BRINP2: variants seen among roughly 807,000 people sequenced by gnomAD.
BRINP2 encodes BMP/retinoic acid inducible neural specific 2.
BRINP2 carries 21 observed loss-of-function variants against 69.2 expected under a neutral mutation model. The observed-to-expected ratio is 0.30, with a 90% confidence interval of 0.22 to 0.44. BRINP2 has a LOEUF of 0.44. Ranked by LOEUF, BRINP2 falls within the 20% of genes least tolerant of loss-of-function variation. BRINP2 has a pLI of 1.00. For synonymous variants in BRINP2, 380 were observed against 394.1 expected (o/e 0.96, Z 0.42); for missense variants, 877 against 986.0 (o/e 0.89, Z 1.48).
intron 1 of BRINP2, among the ~76,000 whole-genome samples, chr1:177,225,590 A>C (rs1473805545): frequency 6.6e-6 from 1 of 152,216 alleles, no homozygotes; most frequent in East Asian, 1.9e-4. Context: ...GTGAGGATTT[A>C]GACAGTTAAA....
In BRINP2 at chr1:177,267,704, G is replaced by T. The variant is rs559137454; in HGVS notation, c.670-5784G>T. ...TAATACAAAGAGTTGGGCTTGCATAGTCATAACTATGGCTTTCTGGACCTG... is the reference window on the plus strand; with the variant it reads ...TAATACAAAGAGTTGGGCTTGCATATTCATAACTATGGCTTTCTGGACCTG... On this transcript the variant is annotated intron_variant, in intron 4 of 7. Transcript: ENST00000361539. Among the ~76,000 whole-genome samples, 6 of 152,294 alleles carry T rather than the reference G, an allele frequency of 3.9e-5. No individual in the cohort carries two copies. The South Asian group carries it at 1.2e-3, about 32-fold the overall frequency.
intron 1 of BRINP2, among the ~76,000 whole-genome samples, chr1:177,197,533 G>T (rs1245317611): frequency 1.3e-5 from 2 of 152,206 alleles, no homozygotes; most frequent in Non-Finnish European, 2.9e-5. Context: ...TGAGGACATA[G>T]TGAGATGGTG....
chr1:177,274,758 G>T (rs2102361579), intron 5 of BRINP2, among the ~76,000 whole-genome samples: 1 of 152,302 alleles, frequency 6.6e-6, no homozygotes, highest in African/African-American at 2.4e-5. Flanking sequence ...CTTGGAGAGG[G>T]TGAGTGTTGA....
intron 2 of BRINP2, among the ~76,000 whole-genome samples, chr1:177,246,230 G>C (rs1401610953): frequency 6.6e-6 from 1 of 152,156 alleles, no homozygotes. Flanking sequence ...CAAGGCAAAA[G>C]AATTACCTGG....
intron 1 of BRINP2, among the ~76,000 whole-genome samples, chr1:177,191,952 G>A (rs1313475928): frequency 6.6e-6 from 1 of 152,118 alleles, no homozygotes; most frequent in African/African-American, 2.4e-5. Context: ...ATTTCTTCTT[G>A]TGTTTTCTTT....
At chr1:177,256,757 C>T in intron 3 of BRINP2, 1 of 1,087,370 alleles carries the variant, frequency 9.2e-7, no homozygotes, top group Non-Finnish European at 1.1e-6. Context: ...GCTGTCGGCA[C>T]GCGGCAGGTG....
intron 1 of BRINP2, among the ~76,000 whole-genome samples, chr1:177,190,078 GCT>G (rs772735189): frequency 4.6e-5 from 7 of 152,096 alleles, no homozygotes; most frequent in Non-Finnish European, 1.0e-4. Flanking sequence ...TAAAATTCAA[GCT>G]TCCTCAGAAT....
At chr1:177,256,792 A>C in intron 3 of BRINP2, 1 of 1,134,606 alleles carries the variant, frequency 8.8e-7, no homozygotes, top group Non-Finnish European at 1.1e-6. Context: ...GGGAGGAGGG[A>C]GATGCCCCTT....
chr1:177,253,054 A>C (rs1311830752), intron 2 of BRINP2, among the ~76,000 whole-genome samples: 1 of 152,134 alleles, frequency 6.6e-6, no homozygotes, highest in Non-Finnish European at 1.5e-5. Flanking sequence ...GTTCCTTTGA[A>C]TATGTACCTA....
In BRINP2 at chr1:177,272,830, A is replaced by G. The variant is rs1521437; in HGVS notation, c.670-658A>G. ...TAAAGCTTCCCATTTTTCATCTTAT[A>G]CTTTAAACATCAGGGAAAACTGATG... On this transcript the variant is annotated intron_variant, in intron 4 of 7. Transcript: ENST00000361539. Among the ~76,000 whole-genome samples, 420 of 152,332 alleles carry G rather than the reference A, an allele frequency of 2.8e-3. 5 individuals are homozygous for G. The highest frequency in any genetic ancestry group is 0.017 in the Admixed American group (267 of 15,292).
intron 2 of BRINP2, among the ~76,000 whole-genome samples, 159 bp downstream of exon 2, chr1:177,230,304 C>A (rs1274345254): frequency 6.6e-6 from 1 of 152,024 alleles, no homozygotes; most frequent in Non-Finnish European, 1.5e-5. Context: ...AATAAGCCTA[C>A]CATGTTAGTT....
At chr1:177,256,189 A>G in intron 3 of BRINP2, 80 bp downstream of exon 3, 1 of 1,505,848 alleles carries the variant, frequency 6.6e-7, no homozygotes, top group Non-Finnish European at 9.0e-7. Context: ...CGTAGCTCCA[A>G]CAGTCTTATC....
Position 177,171,305 on chromosome 1 carries a change from G to A in BRINP2, c.-504G>A, listed in dbSNP as rs1166302570. On this transcript the variant is annotated 5_prime_UTR_variant, in exon 1 of 8. Coordinates refer to ENST00000361539, the MANE Select transcript of BRINP2 (RefSeq NM_021165.4). Reference sequence around the variant, plus strand: ...TGGGTTTCTCCTCGGCGGAGGGACAGGGGACTCCCCCAGTTGGGTCTTGCA... The same window carrying A: ...TGGGTTTCTCCTCGGCGGAGGGACAAGGGACTCCCCCAGTTGGGTCTTGCA... Among the ~76,000 whole-genome samples the A allele has an allele frequency of 6.6e-6, 1 of 152,192 alleles. No individual in the cohort carries two copies. Among genetic ancestry groups the A allele is most frequent in the East Asian group, 1.9e-4 (1 of 5,162 alleles).
intron 1 of BRINP2, among the ~76,000 whole-genome samples, chr1:177,199,525 C>A (rs1648841109): frequency 6.6e-6 from 1 of 152,174 alleles, no homozygotes; most frequent in Admixed American, 6.5e-5. Flanking sequence ...TAACTCACAG[C>A]ATCTGATCTA....
chr1:177,197,542 T>C (rs375869714), intron 1 of BRINP2, among the ~76,000 whole-genome samples: 74 of 152,250 alleles, frequency 4.9e-4, no homozygotes, highest in African/African-American at 1.6e-3. Flanking sequence ...AGTGAGATGG[T>C]GGCTGTCTGC....
intron 1 of BRINP2, among the ~76,000 whole-genome samples, chr1:177,179,196 A>C (rs1350230725): frequency 6.6e-6 from 1 of 151,572 alleles, no homozygotes; most frequent in Non-Finnish European, 1.5e-5. Context: ...GATAATGAAG[A>C]AGATAAAATA....
intron 1 of BRINP2, among the ~76,000 whole-genome samples, chr1:177,228,527 C>G (rs1037525612): frequency 6.6e-6 from 1 of 152,172 alleles, no homozygotes; most frequent in Non-Finnish European, 1.5e-5. Flanking sequence ...TTACCAGAGT[C>G]TGGAACTGCC....
intron 2 of BRINP2, among the ~76,000 whole-genome samples, chr1:177,253,816 T>C (rs1334509601): frequency 6.6e-6 from 1 of 152,170 alleles, no homozygotes; most frequent in Non-Finnish European, 1.5e-5. Context: ...CCTGGCACCT[T>C]TGTCAAAAAT....
intron 1 of BRINP2, among the ~76,000 whole-genome samples, chr1:177,205,929 T>C (rs987878255): frequency 1.3e-5 from 2 of 152,242 alleles, no homozygotes; most frequent in African/African-American, 4.8e-5. Context: ...TGCTGGTCTA[T>C]GTGACCAAAA....
Sources: allele counts gnomAD v4.1 joint callset (sites outside exome capture counted in the v4.1 genomes callset), GRCh38; gene constraint gnomAD v4.1.1; transcripts MANE v1.5; gene names NCBI Gene and HGNC (gene_info 2026-07-23, HGNC 2026-07-21).